Variants in MMP26 observed in about 807,000 individuals in gnomAD.
MMP26 encodes the protein matrix metalloproteinase-26.
In MMP26, 33 loss-of-function variants were observed where a neutral mutation model predicts 31.0. The ratio of observed to expected loss-of-function variants is 1.06; its 90% CI spans 0.81 to 1.42. The LOEUF is 1.42. Ranked by LOEUF, MMP26 falls within the 40% of genes most tolerant of loss-of-function variation. The pLI is 0.00. For synonymous variants in MMP26, 122 were observed against 114.9 expected, an observed-to-expected ratio of 1.06 and a Z score of -0.40; for missense variants, 347 against 316.1, an observed-to-expected ratio of 1.10 and a Z score of -0.74.
intron 2 of MMP26, among the ~76,000 whole-genome samples, chr11:4,896,308 G>T (rs1850702951): frequency 6.6e-6 from 1 of 152,064 alleles, no homozygotes; most frequent in Admixed American, 6.5e-5. Context: ...TGCTTGCCAA[G>T]ACTTTTATCT....
At chr11:4,887,068 G>T (rs974815022) in intron 2 of MMP26, among the ~76,000 whole-genome samples, 2 of 151,558 alleles carry the variant, frequency 1.3e-5, no homozygotes, top group Admixed American at 1.3e-4. Context: ...TTTATATAAT[G>T]TTCTGATATT....
intron 1 of MMP26, among the ~76,000 whole-genome samples, chr11:4,743,281 T>C (rs571033160): frequency 5.9e-5 from 9 of 152,320 alleles, no homozygotes; most frequent in African/African-American, 1.9e-4. Context: ...TTTCTCTTCC[T>C]GATGTTTGTT....
chr11:4,921,852 A>T (rs954358910), intron 2 of MMP26, among the ~76,000 whole-genome samples: 1 of 152,212 alleles, frequency 6.6e-6, no homozygotes, highest in Non-Finnish European at 1.5e-5. Context: ...TATTGCTTTT[A>T]AAAAATTTGT....
intron 2 of MMP26, among the ~76,000 whole-genome samples, chr11:4,837,560 G>A (rs1025969902): frequency 7.2e-5 from 11 of 151,936 alleles, no homozygotes; most frequent in African/African-American, 1.7e-4. Flanking sequence ...TATTTGAATA[G>A]GCTATTCATG....
At chr11:4,734,546 G>A (rs1440360254) in intron 1 of MMP26, among the ~76,000 whole-genome samples, 2 of 151,996 alleles carry the variant, frequency 1.3e-5, no homozygotes, top group Admixed American at 6.6e-5. Context: ...TTAAAGCGGT[G>A]TTTAGCTTCA....
At chr11:4,965,515 A>G (rs1208073367) in intron 2 of MMP26, among the ~76,000 whole-genome samples, 1 of 152,174 alleles carries the variant, frequency 6.6e-6, no homozygotes, top group African/African-American at 2.4e-5. Context: ...TTACATAGAT[A>G]ATGAGGCCAA....
At chr11:4,914,549 C>G (rs1198500702) in intron 2 of MMP26, 1 of 572,164 alleles carries the variant, frequency 1.7e-6, no homozygotes. Flanking sequence ...ATTTTACCCC[C>G]CCCTGCCCTG....
chr11:4,756,164 T>C (rs879629059), intron 1 of MMP26, among the ~76,000 whole-genome samples: 2 of 152,082 alleles, frequency 1.3e-5, no homozygotes, highest in Non-Finnish European at 2.9e-5. Flanking sequence ...AAGTGCACAT[T>C]GAACATAATC....
intron 1 of MMP26, among the ~76,000 whole-genome samples, chr11:4,716,659 T>TTTC (rs1361146433): frequency 1.7e-5 from 2 of 118,154 alleles, no homozygotes; most frequent in Non-Finnish European, 1.9e-5. Flanking sequence ...TCTTTTTTTT[T>TTTC]TTTTTTTTTT....
intron 2 of MMP26, among the ~76,000 whole-genome samples, chr11:4,935,240 C>A (rs1851418040): frequency 6.6e-6 from 1 of 151,066 alleles, no homozygotes; most frequent in Non-Finnish European, 1.5e-5. Context: ...TTTGTATCCT[C>A]TTTTATTTCA....
At chr11:4,827,880 C>T (rs1849599460) in intron 2 of MMP26, among the ~76,000 whole-genome samples, 1 of 150,596 alleles carries the variant, frequency 6.6e-6, no homozygotes, top group Non-Finnish European at 1.5e-5. Flanking sequence ...TAATTTTTAT[C>T]ATAGTTCTAG....
At chr11:4,712,685 G>A (rs1017072253) in intron 1 of MMP26, among the ~76,000 whole-genome samples, 6 of 152,068 alleles carry the variant, frequency 3.9e-5, no homozygotes, top group African/African-American at 1.4e-4. Context: ...AATTTATGAA[G>A]TGTCAATTAC....
At chr11:4,863,044 G>A (rs1850185750) in intron 2 of MMP26, among the ~76,000 whole-genome samples, 1 of 152,142 alleles carries the variant, frequency 6.6e-6, no homozygotes, top group Non-Finnish European at 1.5e-5. Context: ...GAAATGACCA[G>A]CTGGTTCATC....
chr11:4,713,173 C>A (rs922412144), intron 1 of MMP26, among the ~76,000 whole-genome samples: 2 of 151,906 alleles, frequency 1.3e-5, no homozygotes, highest in African/African-American at 2.4e-5. Flanking sequence ...AAATTAGGTG[C>A]CTGACTTCCT....
chr11:4,883,006 A>T, intron 2 of MMP26: 1 of 706,510 alleles, frequency 1.4e-6, no homozygotes, highest in Non-Finnish European at 2.4e-6. Context: ...GGAAGAAGAC[A>T]GTAATTTTCC....
At chr11:4,941,923 A>G (rs1379114250) in intron 2 of MMP26, among the ~76,000 whole-genome samples, 1 of 151,046 alleles carries the variant, frequency 6.6e-6, no homozygotes, top group Non-Finnish European at 1.5e-5. Context: ...ATCTCTACTA[A>G]AAATACAAAA....
intron 2 of MMP26, among the ~76,000 whole-genome samples, chr11:4,785,055 G>T (rs1483654276): frequency 6.6e-6 from 1 of 152,080 alleles, no homozygotes; most frequent in Admixed American, 6.6e-5. Flanking sequence ...TGTCAATGTT[G>T]CTTGTAAGAA....
chr11:4,884,729 A>G (rs73405013), intron 2 of MMP26, among the ~76,000 whole-genome samples: 7,050 of 152,238 alleles, frequency 0.046, 546 homozygotes, highest in African/African-American at 0.16. Context: ...CTCTATTTGC[A>G]ATGGAGAAGT....
At chr11:4,921,051 C>G (rs995221674) in intron 2 of MMP26, among the ~76,000 whole-genome samples, 4 of 152,132 alleles carry the variant, frequency 2.6e-5, no homozygotes, top group African/African-American at 9.7e-5. Context: ...TAGATTCTGT[C>G]CTGATTTCCA....
Sources: gnomAD v4.1 joint callset for allele counts (sites outside exome capture counted in the v4.1 genomes callset) on GRCh38, gnomAD v4.1.1 for gene constraint, MANE v1.5 for transcripts, NCBI Gene and HGNC (gene_info 2026-07-23, HGNC 2026-07-21) for gene names.